ARPP19: variants seen among roughly 807,000 people sequenced by gnomAD.
The protein encoded by ARPP19 is cAMP-regulated phosphoprotein 19.
A neutral mutation model predicts 12.0 loss-of-function variants in ARPP19; 8 were observed. The ratio of observed to expected loss-of-function variants is 0.67; its 90% confidence interval spans 0.39 to 1.21. ARPP19 has a LOEUF of 1.21. ARPP19 is among the 50% of genes most tolerant of loss of function. ARPP19 has a pLI of 0.01. For missense variants in ARPP19, 102 were observed against 136.3 expected (o/e 0.75, Z 1.25); for synonymous variants, 47 against 50.4 (o/e 0.93, Z 0.29).
At chr15:52,569,253 C>T (rs987882296), upstream of ARPP19, 11 of 310,718 alleles carry the variant, frequency 3.5e-5, no homozygotes, top group Non-Finnish European at 6.5e-5. Context: ...TGGAACCGCC[C>T]CTCCCCGCCC....
At position 52,547,062 on chromosome 15, in the gene ARPP19, T is replaced by C. The variant is rs1359518852; in HGVS notation, c.*4872A>G. 1 of 145,184 alleles carries C rather than the reference T, an allele frequency of 6.9e-6. No homozygotes were observed. The highest frequency in any genetic ancestry group is 1.5e-5 in the Non-Finnish European group (1 of 66,824). The allele number at this position is 145,184 out of a possible 1,614,324, so 9.0% of individuals were successfully genotyped here. On this transcript the variant is annotated 3_prime_UTR_variant, in exon 3 of 3. Coordinates refer to ENST00000249822, the MANE Select transcript of ARPP19 (RefSeq NM_006628.6). ...AAAAAGACTCACAATCTGCAAACATTTAATCCTACCTTAAGTACAAAGCCT... is the reference window on the plus strand; with the variant it reads ...AAAAAGACTCACAATCTGCAAACATCTAATCCTACCTTAAGTACAAAGCCT...
At chr15:52,569,183 TG>T (rs2078118627), upstream of ARPP19, 1 of 443,510 alleles carries the variant, frequency 2.3e-6, no homozygotes, top group Non-Finnish European at 4.0e-6. Context: ...TCGCCGCTCC[TG>T]CCTCACCTCA....
chr15:52,553,689 C>T (rs1050314577), intron 2 of ARPP19, among the ~76,000 whole-genome samples: 1 of 140,898 alleles, frequency 7.1e-6, no homozygotes, highest in African/African-American at 2.4e-5. Flanking sequence ...AGGGCTTGGA[C>T]AAAGGGTGAA....
intron 1 of ARPP19, among the ~76,000 whole-genome samples, chr15:52,567,202 C>T (rs1302087985): frequency 2.0e-5 from 3 of 152,172 alleles, no homozygotes; most frequent in Admixed American, 1.3e-4. Context: ...CATTATATTC[C>T]TAACACACTT....
At chr15:52,554,648 GA>G (rs1286769637) in intron 2 of ARPP19, among the ~76,000 whole-genome samples, 2 of 152,080 alleles carry the variant, frequency 1.3e-5, no homozygotes, top group African/African-American at 4.8e-5. Context: ...GACACTAAGT[GA>G]TCACCTAAAG....
At chr15:52,553,317 CAG>C (rs1214294459) in intron 2 of ARPP19, among the ~76,000 whole-genome samples, 5 of 151,668 alleles carry the variant, frequency 3.3e-5, no homozygotes, top group African/African-American at 1.2e-4. Flanking sequence ...CCATTTTTCA[CAG>C]AGAGACATGA....
Position 52,551,047 on chromosome 15 carries a change from A to T in ARPP19, c.*887T>A, listed in dbSNP as rs2077925446. The T allele has an allele frequency of 6.5e-6, 1 of 152,692 alleles. No individual in the cohort carries two copies. The highest frequency in any genetic ancestry group is 2.4e-5 in the African/African-American group (1 of 41,470). 9.5% of individuals were successfully genotyped at this position (152,692 alleles called of 1,614,324 possible). A position where few individuals can be genotyped will look rare whatever the true frequency, so the allele number is the denominator to read the frequency against. On this transcript the variant is annotated 3_prime_UTR_variant, in exon 3 of 3. Transcript: ENST00000249822. Reference sequence around the variant, plus strand: ...GATTGAACTAAGATTTCAGTTTGGTATTCTATAAGCCCGAGATTGTAAACT... The same window carrying T: ...GATTGAACTAAGATTTCAGTTTGGTTTTCTATAAGCCCGAGATTGTAAACT...
intron 1 of ARPP19, among the ~76,000 whole-genome samples, chr15:52,560,907 G>A (rs1338252664): frequency 2.0e-5 from 3 of 152,204 alleles, no homozygotes; most frequent in East Asian, 1.9e-4. Flanking sequence ...GGAGGCAGAC[G>A]ATGGTGGACT....
chr15:52,561,523 AATTTAGAAAAGG>A (rs1182127878), intron 1 of ARPP19, among the ~76,000 whole-genome samples: 1 of 152,230 alleles, frequency 6.6e-6, no homozygotes, highest in Non-Finnish European at 1.5e-5. Flanking sequence ...GGTCCTGTAT[AATTTAGAAAAGG>A]GTTTATAATC....
At chr15:52,559,230 G>T (rs985362505) in intron 1 of ARPP19, among the ~76,000 whole-genome samples, 1 of 152,142 alleles carries the variant, frequency 6.6e-6, no homozygotes, top group East Asian at 1.9e-4. Context: ...CAGAAATAGA[G>T]AATTTAAATA....
At chr15:52,554,859 A>G (rs1228362300) in intron 2 of ARPP19, among the ~76,000 whole-genome samples, 1 of 152,130 alleles carries the variant, frequency 6.6e-6, no homozygotes, top group Middle Eastern at 3.2e-3. Flanking sequence ...CATATTGTTA[A>G]AAGCCTAATA....
intron 1 of ARPP19, among the ~76,000 whole-genome samples, chr15:52,562,360 A>G (rs1242757191): frequency 6.6e-6 from 1 of 152,186 alleles, no homozygotes; most frequent in Admixed American, 6.5e-5. Context: ...GTCAGTAACA[A>G]CAAAAAAATT....
Position 52,568,828 on chromosome 15 carries a change from C to A in ARPP19, c.45+20G>T. ...ACCCGGCCTTGGGCAGGGCCCAGGG[C>A]TCACGCCCCGCGCGCTCACCTTCTG... is the stretch of plus-strand genomic sequence containing the variant. On this transcript the variant is annotated intron_variant, in intron 1 of 2. Transcript: ENST00000249822. 2 of 1,563,376 alleles carry A rather than the reference C, an allele frequency of 1.3e-6. No individual in the cohort carries two copies. Among genetic ancestry groups the A allele is most frequent in the Non-Finnish European group, 1.7e-6 (2 of 1,159,294 alleles).
intron 1 of ARPP19, among the ~76,000 whole-genome samples, chr15:52,563,739 C>T (rs570080125): frequency 2.0e-3 from 299 of 152,324 alleles, no homozygotes; most frequent in African/African-American, 6.9e-3. Context: ...AGCAAATTCT[C>T]CTCTATCTGC....
At chr15:52,563,353 G>T (rs1241966509) in intron 1 of ARPP19, among the ~76,000 whole-genome samples, 1 of 152,070 alleles carries the variant, frequency 6.6e-6, no homozygotes, top group African/African-American at 2.4e-5. Flanking sequence ...TTTGGCTATT[G>T]GCTACAAGCT....
chr15:52,558,946 G>A (rs1193828044), intron 1 of ARPP19, among the ~76,000 whole-genome samples: 3 of 152,048 alleles, frequency 2.0e-5, no homozygotes, highest in African/African-American at 7.2e-5. Context: ...TTATAGGCAT[G>A]CACCACCACA....
chr15:52,565,331 A>G (rs2078071365), intron 1 of ARPP19, among the ~76,000 whole-genome samples: 1 of 152,086 alleles, frequency 6.6e-6, no homozygotes, highest in South Asian at 2.1e-4. Context: ...GGCCAGAATT[A>G]TCTGTTTTAA....
chr15:52,566,542 C>G (rs959152654), intron 1 of ARPP19, among the ~76,000 whole-genome samples: 4 of 152,154 alleles, frequency 2.6e-5, no homozygotes, highest in Non-Finnish European at 5.9e-5. Flanking sequence ...CCTCAGCCTC[C>G]CAAGTAGCTG....
intron 1 of ARPP19, among the ~76,000 whole-genome samples, chr15:52,560,093 T>C (rs2078018119): frequency 6.6e-6 from 1 of 152,234 alleles, no homozygotes; most frequent in African/African-American, 2.4e-5. Context: ...CAACTTACTC[T>C]GGTTTCCAGT....
Sources: allele counts gnomAD v4.1 joint callset (sites outside exome capture counted in the v4.1 genomes callset), GRCh38; gene constraint gnomAD v4.1.1; transcripts MANE v1.5; gene names NCBI Gene and HGNC (gene_info 2026-07-23, HGNC 2026-07-21).